The following ABCA13 variants were observed in gnomAD, a reference collection of about 807,000 sequenced individuals.
The protein encoded by ABCA13 is ATP binding cassette subfamily A member 13, also known as ATP-binding cassette sub-family A member 13.
A neutral mutation model predicts 478.7 loss-of-function variants in ABCA13; 476 were observed. That is an observed-to-expected ratio of 0.99 (90% CI 0.92 to 1.07). The LOEUF (loss-of-function observed/expected upper bound fraction) is 1.07. Ranked by LOEUF, ABCA13 falls within the 50% of genes least tolerant of loss-of-function variation. The pLI is 0.00. For missense variants in ABCA13, 6,060 were observed against 5,910.6 expected (o/e 1.03, Z -0.83); for synonymous variants, 2,252 against 2,158.9 (o/e 1.04, Z -1.20).
chr7:48,195,066 C>G (rs1797751959), intron 2 of ABCA13, among the ~76,000 whole-genome samples: 1 of 152,196 alleles, frequency 6.6e-6, no homozygotes, highest in South Asian at 2.1e-4. Context: ...AGAAAGCCTT[C>G]TCAGGCACTG....
intron 8 of ABCA13, among the ~76,000 whole-genome samples, chr7:48,238,618 A>G (rs571822313): frequency 6.6e-6 from 1 of 152,128 alleles, no homozygotes; most frequent in African/African-American, 2.4e-5. Context: ...ACAGGCGCCC[A>G]CCACCACGCC....
At chr7:48,196,766 G>A (rs150729773) in intron 2 of ABCA13, among the ~76,000 whole-genome samples, 5 of 152,132 alleles carry the variant, frequency 3.3e-5, no homozygotes, top group Admixed American at 3.3e-4. Flanking sequence ...GAGAGATAGA[G>A]GGGACACAGA....
chr7:48,566,323 G>A (rs530613248), intron 55 of ABCA13, among the ~76,000 whole-genome samples: 141 of 152,238 alleles, frequency 9.3e-4, no homozygotes, highest in Non-Finnish European at 1.6e-3. Context: ...TCCCACCCAG[G>A]ACTAAAAAAT....
At chr7:48,622,590 A>G (rs1344799427) in intron 59 of ABCA13, among the ~76,000 whole-genome samples, 1 of 152,062 alleles carries the variant, frequency 6.6e-6, no homozygotes, top group Non-Finnish European at 1.5e-5. Context: ...TAGCCTATAG[A>G]TATTCCCCCT....
intron 42 of ABCA13, 27 bp from the exon 43 acceptor site, chr7:48,455,010 C>T: frequency 2.7e-6 from 4 of 1,472,264 alleles, no homozygotes; most frequent in Non-Finnish European, 3.6e-6. Context: ...GCTGACCCAG[C>T]CGCCCTTCCT....
In ABCA13 at chr7:48,520,145, T is replaced by C. The variant is rs775827116; in HGVS notation, c.13902T>C (p.Tyr4634=). 1.6e-5 allele frequency: 26 copies of C among 1,613,852 alleles called. No individual in the cohort carries two copies. The highest frequency in any genetic ancestry group is 7.7e-5 in the South Asian group (7 of 91,088). The change falls in exon 53 of 62, where the codon TAT becomes TAC. Residue 4634 remains tyrosine (Y), a synonymous_variant. Transcript: ENST00000435803. ...LVELCYNQIK[Y]DLTHNFGIDS... is the part of the protein sequence containing the mutation. ...AACTCTGCTATAATCAGATCAAATA[T>C]GACCTGACCCACAACTTCGGCATTG... is the stretch of plus-strand genomic sequence containing the variant.
intron 59 of ABCA13, among the ~76,000 whole-genome samples, chr7:48,617,121 A>G (rs1803355034): frequency 6.6e-6 from 1 of 152,218 alleles, no homozygotes; most frequent in African/African-American, 2.4e-5. Flanking sequence ...GCCTGTTTCT[A>G]TAATATTGAG....
At chr7:48,487,658 C>A (rs573897367) in intron 47 of ABCA13, among the ~76,000 whole-genome samples, 1 of 152,246 alleles carries the variant, frequency 6.6e-6, no homozygotes, top group Admixed American at 6.5e-5. Flanking sequence ...GGTCACAGAC[C>A]AGGCTAGTGG....
In ABCA13 at chr7:48,392,148, A is replaced by C. The variant is rs1816168656; in HGVS notation, c.11873+9A>C. The C allele has an allele frequency of 6.2e-7, 1 of 1,612,532 alleles. No individual in the cohort carries two copies. The highest frequency in any genetic ancestry group is 1.7e-5 in the Admixed American group (1 of 60,008). Reference sequence around the variant, plus strand: ...CATCAGCAAGTCAATCAGTTAGTAAACAGTTGTCTCTCTGCTCCTCCTGCC... The same window carrying C: ...CATCAGCAAGTCAATCAGTTAGTAACCAGTTGTCTCTCTGCTCCTCCTGCC... On this transcript the variant is annotated intron_variant, in intron 38 of 61. Coordinates refer to ENST00000435803, the MANE Select transcript of ABCA13 (RefSeq NM_152701.5).
At chr7:48,201,500 T>C (rs897977186) in intron 3 of ABCA13, among the ~76,000 whole-genome samples, 6 of 152,074 alleles carry the variant, frequency 3.9e-5, no homozygotes, top group African/African-American at 1.4e-4. Flanking sequence ...GGCGGGTGGA[T>C]CACGAGGTCA....
chr7:48,499,648 A>AAAT (rs1473836596), intron 48 of ABCA13, among the ~76,000 whole-genome samples: 3 of 152,340 alleles, frequency 2.0e-5, no homozygotes, highest in Non-Finnish European at 4.4e-5. Context: ...AAAAGCCGGA[A>AAAT]TATAAATGAT....
chr7:48,348,406 A>T (rs1808434819), intron 29 of ABCA13, among the ~76,000 whole-genome samples: 1 of 152,128 alleles, frequency 6.6e-6, no homozygotes. Flanking sequence ...GAAAGTGTTG[A>T]CTATAAAACT....
At chr7:48,246,977 G>A (rs1791794167) in intron 13 of ABCA13, among the ~76,000 whole-genome samples, 1 of 152,162 alleles carries the variant, frequency 6.6e-6, no homozygotes, top group South Asian at 2.1e-4. Flanking sequence ...GCTCATGCCT[G>A]TAGTCCCAGC....
chr7:48,628,305 T>A (rs1047984475), intron 59 of ABCA13, among the ~76,000 whole-genome samples: 1 of 152,214 alleles, frequency 6.6e-6, no homozygotes, highest in Admixed American at 6.5e-5. Flanking sequence ...CGAAGAGTTA[T>A]AGTAAGAAGA....
intron 15 of ABCA13, among the ~76,000 whole-genome samples, chr7:48,264,674 A>T (rs1794641964): frequency 6.6e-6 from 1 of 151,760 alleles, no homozygotes; most frequent in Non-Finnish European, 1.5e-5. Context: ...ACAGGATACA[A>T]ACTCTTTATC....
At chr7:48,546,142 A>G (rs1784790337) in intron 55 of ABCA13, among the ~76,000 whole-genome samples, 1 of 151,952 alleles carries the variant, frequency 6.6e-6, no homozygotes, top group African/African-American at 2.4e-5. Flanking sequence ...ATACACCTGC[A>G]TCTGTTCACA....
chr7:48,555,367 C>G (rs1785713655), intron 55 of ABCA13, among the ~76,000 whole-genome samples: 1 of 151,818 alleles, frequency 6.6e-6, no homozygotes, highest in South Asian at 2.1e-4. Flanking sequence ...GAAGTAGTCT[C>G]TCCTCTTCTA....
intron 23 of ABCA13, among the ~76,000 whole-genome samples, chr7:48,309,033 G>GCCCACACACA (rs1554432223): frequency 7.2e-6 from 1 of 138,050 alleles, no homozygotes; most frequent in Non-Finnish European, 1.5e-5. Context: ...ACACATGACT[G>GCCCACACACA]CACACACACA....
intron 48 of ABCA13, among the ~76,000 whole-genome samples, chr7:48,505,779 T>G (rs1831152382): frequency 6.6e-6 from 1 of 152,236 alleles, no homozygotes; most frequent in Admixed American, 6.5e-5. Context: ...TAAAATGCTT[T>G]TAATTGATAA....
Sources: allele counts gnomAD v4.1 joint callset (sites outside exome capture counted in the v4.1 genomes callset), GRCh38; gene constraint gnomAD v4.1.1; transcripts MANE v1.5; gene names NCBI Gene and HGNC (gene_info 2026-07-23, HGNC 2026-07-21).